Variants in RBFOX1 observed in about 807,000 individuals in gnomAD.
The protein encoded by RBFOX1 is RNA binding protein fox-1 homolog 1.
In RBFOX1, 8 loss-of-function variants were observed where a neutral mutation model predicts 57.7. The observed-to-expected ratio is 0.14, with a 90% CI of 0.08 to 0.25. The LOEUF is 0.25. Ranked by LOEUF, RBFOX1 falls within the 10% of genes least tolerant of loss-of-function variation. RBFOX1 has a pLI of 1.00. For missense variants in RBFOX1, 611 were observed against 548.5 expected, an observed-to-expected ratio of 1.11 and a Z score of -1.14; for synonymous variants, 326 against 222.4, an observed-to-expected ratio of 1.47 and a Z score of -4.15.
intron 2 of RBFOX1, among the ~76,000 whole-genome samples, chr16:6,445,103 A>G (rs2094458347): frequency 1.3e-5 from 2 of 152,066 alleles, no homozygotes; most frequent in African/African-American, 4.8e-5. Context: ...GAAGGAGAGT[A>G]ATGCAGAATG....
chr16:6,786,433 T>G (rs1431465983), intron 3 of RBFOX1, among the ~76,000 whole-genome samples: 1 of 152,022 alleles, frequency 6.6e-6, no homozygotes, highest in Non-Finnish European at 1.5e-5. Flanking sequence ...GTAGATCAAG[T>G]GGAAGAAACA....
chr16:6,454,611 A>C (rs990268768), intron 2 of RBFOX1, among the ~76,000 whole-genome samples: 1 of 152,104 alleles, frequency 6.6e-6, no homozygotes, highest in Non-Finnish European at 1.5e-5. Flanking sequence ...AAACAAATAA[A>C]TGTCCGTGTT....
intron 4 of RBFOX1, among the ~76,000 whole-genome samples, chr16:7,494,919 T>C (rs1285646658): frequency 1.3e-5 from 2 of 151,466 alleles, no homozygotes; most frequent in Non-Finnish European, 2.9e-5. Context: ...CATGGGTATA[T>C]TGGACCAAGG....
At position 7,519,946 on chromosome 16, in the gene RBFOX1, C is replaced by T. The variant is rs564978123; in HGVS notation, c.270+1557C>T. Among the ~76,000 whole-genome samples the T allele has an allele frequency of 1.3e-3, 205 of 152,210 alleles. 1 individual carries two copies. Among genetic ancestry groups the T allele is most frequent in the African/African-American group, 4.6e-3 (190 of 41,538 alleles). On this transcript the variant is annotated intron_variant, in intron 5 of 15. Coordinates refer to ENST00000550418, the MANE Select transcript of RBFOX1 (RefSeq NM_018723.4). ...TGTTGCCCAGGCTGGAGTGCGGTGG[C>T]GCGATCTCGGCTCACTGCAAGCTCC...
chr16:6,848,969 A>G (rs2093917638), intron 3 of RBFOX1, among the ~76,000 whole-genome samples: 1 of 152,214 alleles, frequency 6.6e-6, no homozygotes, highest in African/African-American at 2.4e-5. Flanking sequence ...TGCACGCTTA[A>G]CTAGCAACTT....
chr16:5,389,227 A>AT (rs1406616297), intron 1 of RBFOX1, among the ~76,000 whole-genome samples: 1 of 152,096 alleles, frequency 6.6e-6, no homozygotes, highest in African/African-American at 2.4e-5. Flanking sequence ...GTAAGGTATG[A>AT]TTTTTGTGAA....
intron 3 of RBFOX1, among the ~76,000 whole-genome samples, chr16:6,861,602 C>T (rs1313418803): frequency 6.7e-6 from 1 of 148,948 alleles, no homozygotes; most frequent in Non-Finnish European, 1.5e-5. Flanking sequence ...CTAAGTTGTT[C>T]CAGTAAACAG....
chr16:6,213,995 C>A (rs751064336), intron 1 of RBFOX1, among the ~76,000 whole-genome samples: 3 of 152,176 alleles, frequency 2.0e-5, no homozygotes, highest in African/African-American at 7.2e-5. Context: ...TGACAAATGT[C>A]CCCTGGGAAG....
intron 2 of RBFOX1, among the ~76,000 whole-genome samples, chr16:6,605,919 G>C (rs2097918974): frequency 6.6e-6 from 1 of 152,070 alleles, no homozygotes; most frequent in South Asian, 2.1e-4. Flanking sequence ...GGCCAACATG[G>C]TGAAACCTCG....
chr16:5,658,857 ATG>A (rs1398339008), intron 3 of RBFOX1, among the ~76,000 whole-genome samples: 1 of 143,282 alleles, frequency 7.0e-6, no homozygotes, highest in South Asian at 2.5e-4. Flanking sequence ...ATGTATATAT[ATG>A]TGTGTGTATA....
intron 4 of RBFOX1, among the ~76,000 whole-genome samples, chr16:7,133,932 C>T (rs1309252717): frequency 1.3e-5 from 2 of 152,166 alleles, no homozygotes; most frequent in Non-Finnish European, 2.9e-5. Context: ...ACATGATCTG[C>T]TACTTAATAT....
At chr16:7,155,199 C>G (rs2076842873) in intron 4 of RBFOX1, among the ~76,000 whole-genome samples, 1 of 152,044 alleles carries the variant, frequency 6.6e-6, no homozygotes, top group Admixed American at 6.6e-5. Flanking sequence ...CAAGCTGAAA[C>G]AAAGTTTTTA....
intron 3 of RBFOX1, among the ~76,000 whole-genome samples, chr16:6,823,228 C>T (rs1011990775): frequency 2.6e-5 from 4 of 151,842 alleles, no homozygotes; most frequent in African/African-American, 9.7e-5. Flanking sequence ...ACCTCTTGGC[C>T]CATCTGAAAT....
At chr16:5,773,596 A>C (rs868860786) in intron 3 of RBFOX1, among the ~76,000 whole-genome samples, 1 of 152,270 alleles carries the variant, frequency 6.6e-6, no homozygotes, top group South Asian at 2.1e-4. Context: ...ACAGTGTAAC[A>C]GTGAACATTT....
chr16:6,408,887 C>G (rs1243439612), intron 2 of RBFOX1, among the ~76,000 whole-genome samples: 2 of 152,146 alleles, frequency 1.3e-5, no homozygotes, highest in Admixed American at 6.5e-5. Flanking sequence ...TTGTAGCTAG[C>G]TCTTCATGTA....
chr16:5,481,827 G>T (rs4510010), intron 2 of RBFOX1, among the ~76,000 whole-genome samples: 106,785 of 152,092 alleles, frequency 0.7, 37,812 homozygotes, highest in East Asian at 0.77. Context: ...TCTGCCTTCT[G>T]ACCGTGTCTC....
intron 3 of RBFOX1, among the ~76,000 whole-genome samples, chr16:7,039,302 C>G (rs1000779994): frequency 6.6e-6 from 1 of 151,874 alleles, no homozygotes; most frequent in African/African-American, 2.4e-5. Flanking sequence ...TCGTCCGTCT[C>G]CCTTGACCCT....
chr16:5,491,424 A>C (rs1257907941), intron 2 of RBFOX1, among the ~76,000 whole-genome samples: 4 of 152,214 alleles, frequency 2.6e-5, no homozygotes, highest in Admixed American at 6.5e-5. Context: ...GCTTCCTTTG[A>C]TGACAAGAAT....
rs191468898 is a variant in RBFOX1 at position 6,301,082 on chromosome 16, A to T, written c.-126-15913A>T. On this transcript the variant is annotated intron_variant, in intron 1 of 15. Transcript: ENST00000550418. ...TATTTCCTATGAGTTGTCATTGAAA[A>T]AAAAATCCTTGAGGATCAGAAACAG... is the stretch of plus-strand genomic sequence containing the variant. Among the ~76,000 whole-genome samples, 501 of 152,316 alleles carry T rather than the reference A, an allele frequency of 3.3e-3. 2 individuals are homozygous for T. The highest frequency in any genetic ancestry group is 6.8e-3 in the Middle Eastern group (2 of 294).
Sources: allele counts gnomAD v4.1 joint callset (sites outside exome capture counted in the v4.1 genomes callset), GRCh38; gene constraint gnomAD v4.1.1; transcripts MANE v1.5; gene names NCBI Gene and HGNC (gene_info 2026-07-23, HGNC 2026-07-21).